The following TCF12 variants were observed in gnomAD, a reference collection of about 807,000 sequenced individuals.
The protein encoded by TCF12 is transcription factor 12.
TCF12 carries 45 observed loss-of-function variants against 86.0 expected under a neutral mutation model. That is an observed-to-expected ratio of 0.52 (90% CI 0.41 to 0.67). TCF12 has a LOEUF of 0.67. Among genes scored for constraint, TCF12 ranks in the 30% least tolerant of loss-of-function variants. The probability of loss-of-function intolerance (pLI) is 0.00; values close to 1 mark genes in which losing one functional copy is unlikely to be tolerated. For synonymous variants in TCF12, 330 were observed against 299.6 expected (o/e 1.10, Z -1.05); for missense variants, 881 against 859.9 (o/e 1.02, Z -0.31).
chr15:57,220,137 G>C (rs1388226528), intron 8 of TCF12, among the ~76,000 whole-genome samples: 1 of 152,154 alleles, frequency 6.6e-6, no homozygotes, highest in East Asian at 1.9e-4. Flanking sequence ...AAATAAACTT[G>C]AGTTTCTGAG....
At chr15:57,070,822 T>C (rs1415914143) in intron 4 of TCF12, among the ~76,000 whole-genome samples, 1 of 152,176 alleles carries the variant, frequency 6.6e-6, no homozygotes, top group Non-Finnish European at 1.5e-5. Context: ...TCATACTGGC[T>C]GGAGGTGTAG....
intron 3 of TCF12, among the ~76,000 whole-genome samples, chr15:56,936,568 A>G (rs2060479132): frequency 6.6e-6 from 1 of 152,076 alleles, no homozygotes; most frequent in African/African-American, 2.4e-5. Flanking sequence ...CAATGTCTAG[A>G]TGGGTTTTTC....
At chr15:57,043,826 T>G (rs981418455) in intron 3 of TCF12, among the ~76,000 whole-genome samples, 1 of 152,180 alleles carries the variant, frequency 6.6e-6, no homozygotes, top group Non-Finnish European at 1.5e-5. Flanking sequence ...ACTTCAGAAA[T>G]TTTGGAAGAT....
intron 3 of TCF12, among the ~76,000 whole-genome samples, chr15:56,971,482 T>A (rs1595908285): frequency 1.3e-5 from 2 of 151,594 alleles, no homozygotes; most frequent in African/African-American, 4.9e-5. Flanking sequence ...AACAGAAAAA[T>A]AGGTCAAAGT....
intron 16 of TCF12, among the ~76,000 whole-genome samples, chr15:57,260,633 C>G (rs1175735337): frequency 6.6e-6 from 1 of 152,102 alleles, no homozygotes; most frequent in East Asian, 1.9e-4. Flanking sequence ...ATTTCCCCAG[C>G]CCGTCAAAAT....
At chr15:57,054,543 A>T (rs573782754) in intron 3 of TCF12, among the ~76,000 whole-genome samples, 1 of 152,190 alleles carries the variant, frequency 6.6e-6, no homozygotes, top group Non-Finnish European at 1.5e-5. Flanking sequence ...ATGAGCTCAC[A>T]GAGCAATGGG....
At chr15:57,021,054 A>T (rs532432754) in intron 3 of TCF12, among the ~76,000 whole-genome samples, 1 of 152,310 alleles carries the variant, frequency 6.6e-6, no homozygotes, top group African/African-American at 2.4e-5. Context: ...AATTACATTA[A>T]GAGCATCTTG....
intron 3 of TCF12, among the ~76,000 whole-genome samples, chr15:56,975,585 T>TA (rs2140812717): frequency 6.6e-6 from 1 of 152,264 alleles, no homozygotes; most frequent in East Asian, 1.9e-4. Flanking sequence ...GTGAATATGT[T>TA]AAAAAATAAA....
intron 13 of TCF12, chr15:57,247,102 C>T (rs2059899713): frequency 1.7e-6 from 1 of 577,144 alleles, no homozygotes; most frequent in Non-Finnish European, 3.3e-6. Flanking sequence ...TAGTTCCCAC[C>T]ACCACCGTAG....
intron 8 of TCF12, among the ~76,000 whole-genome samples, chr15:57,223,654 T>TTGGTTTTTTTTTG (rs56405255): frequency 1.0e-4 from 13 of 129,962 alleles, no homozygotes; most frequent in Non-Finnish European, 2.2e-4. Flanking sequence ...TTTTTTTTTT[T>TTGGTTTTTTTTTG]TTTTTTTTTT....
Position 57,232,723 on chromosome 15 carries a change from A to G in TCF12, c.837A>G (p.Pro279=). The G allele has an allele frequency of 6.2e-7, 1 of 1,611,900 alleles. No individual in the cohort carries two copies. Among genetic ancestry groups the G allele is most frequent in the Non-Finnish European group, 8.5e-7 (1 of 1,179,032 alleles). Residue 279 remains proline, a synonymous_variant, in exon 11 of 21, where the codon CCA becomes CCG. Coordinates refer to ENST00000333725, the MANE Select transcript of TCF12 (RefSeq NM_207037.2). ...CTCTTTCCATCTAGAGTTATCCTCC[A>G]CACTCAGTTTCACCAACAGACATAA... The part of the protein sequence containing the change: ...LHSHDRLSYP[P]HSVSPTDINT...
chr15:57,230,928 G>A (rs2059108076), intron 8 of TCF12, among the ~76,000 whole-genome samples: 1 of 149,580 alleles, frequency 6.7e-6, no homozygotes, highest in Non-Finnish European at 1.5e-5. Context: ...GATATTTAGA[G>A]TAGTAGTTTT....
intron 13 of TCF12, chr15:57,247,387 T>C (rs546507984): frequency 3.0e-6 from 2 of 661,532 alleles, no homozygotes; most frequent in South Asian, 3.2e-5. Context: ...CATAATAAAA[T>C]TGCCAGATCT....
At chr15:57,005,921 T>C (rs1417299116) in intron 3 of TCF12, among the ~76,000 whole-genome samples, 2 of 152,202 alleles carry the variant, frequency 1.3e-5, no homozygotes, top group African/African-American at 2.4e-5. Flanking sequence ...ATTTTCCAGG[T>C]GAAAAGTCCG....
intron 3 of TCF12, among the ~76,000 whole-genome samples, chr15:56,947,240 TG>T (rs2061044500): frequency 6.6e-6 from 1 of 152,208 alleles, no homozygotes; most frequent in Non-Finnish European, 1.5e-5. Flanking sequence ...GTTTGAGCTC[TG>T]GGAATTGTTG....
chr15:57,098,007 T>TAAAAAA (rs2049449714), intron 5 of TCF12, among the ~76,000 whole-genome samples: 1 of 3,042 alleles, frequency 3.3e-4, no homozygotes, highest in Non-Finnish European at 6.7e-4. Flanking sequence ...AATACAAAAA[T>TAAAAAA]ACAAAAAAAA....
At chr15:57,125,454 C>T (rs191620197) in intron 5 of TCF12, among the ~76,000 whole-genome samples, 1 of 152,274 alleles carries the variant, frequency 6.6e-6, no homozygotes, top group Admixed American at 6.5e-5. Context: ...TTTACAGTTA[C>T]ACGAGGCAAA....
intron 3 of TCF12, among the ~76,000 whole-genome samples, chr15:57,002,778 C>T (rs1475665003): frequency 6.6e-6 from 1 of 152,192 alleles, no homozygotes; most frequent in Non-Finnish European, 1.5e-5. Flanking sequence ...ATAAAGCAGA[C>T]AGTCTATGGC....
chr15:56,976,696 A>T (rs2062625150), intron 3 of TCF12, among the ~76,000 whole-genome samples: 1 of 152,142 alleles, frequency 6.6e-6, no homozygotes, highest in Non-Finnish European at 1.5e-5. Context: ...ACCACGTGTG[A>T]AGTGGTCTCT....
Sources: gnomAD v4.1 joint callset for allele counts (sites outside exome capture counted in the v4.1 genomes callset) on GRCh38, gnomAD v4.1.1 for gene constraint, MANE v1.5 for transcripts, NCBI Gene and HGNC (gene_info 2026-07-23, HGNC 2026-07-21) for gene names.